RBBP4: variants seen among roughly 807,000 people sequenced by gnomAD.
The protein encoded by RBBP4 is histone-binding protein RBBP4.
In RBBP4, 3 loss-of-function variants were observed where a neutral mutation model predicts 57.2. That is an observed-to-expected ratio of 0.05 (90% confidence interval 0.02 to 0.14). RBBP4 has a LOEUF of 0.14. RBBP4 is among the 10% of genes least tolerant of loss of function. The pLI is 1.00. For missense variants in RBBP4, 107 were observed against 520.6 expected (o/e 0.21, Z 7.73); for synonymous variants, 151 against 171.5 (o/e 0.88, Z 0.93).
chr1:32,659,119 TTA>T (rs1000276909), intron 3 of RBBP4, among the ~76,000 whole-genome samples: 4 of 147,526 alleles, frequency 2.7e-5, no homozygotes, highest in African/African-American at 9.8e-5. Flanking sequence ...TATATATAAT[TTA>T]TATATACATA....
In RBBP4 at chr1:32,653,634, C is replaced by G. The variant is rs1266057924; in HGVS notation, c.164+1573C>G. On this transcript the variant is annotated intron_variant, in intron 2 of 11. Coordinates refer to ENST00000373493, the MANE Select transcript of RBBP4 (RefSeq NM_005610.3). ...AGCTGCTTTGTGTGTTTTTTGTTTT[C>G]TGGTTTTTTTTTTTTTTTTTTTTTT... 1.7e-4 allele frequency among the ~76,000 whole-genome samples: 7 copies of G among 42,350 alleles called. No homozygotes were observed. The Admixed American group carries it at 2.2e-3, about 13-fold the overall frequency. The allele number at this position is 42,350 out of a possible 152,430, so 27.8% of individuals were successfully genotyped here.
intron 2 of RBBP4, among the ~76,000 whole-genome samples, chr1:32,656,344 C>CA (rs1557851112): frequency 2.5e-5 from 1 of 39,932 alleles, no homozygotes; most frequent in African/African-American, 3.7e-5. Flanking sequence ...AGCCAGCCGC[C>CA]GGTTTTTTTT....
intron 8 of RBBP4, among the ~76,000 whole-genome samples, chr1:32,671,366 T>C (rs961913319): frequency 5.9e-5 from 9 of 152,132 alleles, no homozygotes; most frequent in Non-Finnish European, 8.8e-5. Flanking sequence ...GGGTGGATCA[T>C]GAGGTCAGGA....
At chr1:32,655,528 G>A (rs1260488113) in intron 2 of RBBP4, among the ~76,000 whole-genome samples, 1 of 152,070 alleles carries the variant, frequency 6.6e-6, no homozygotes, top group Middle Eastern at 3.2e-3. Flanking sequence ...TCAGTGTAAT[G>A]TAGAAGCTCT....
At position 32,684,811 on chromosome 1, in the gene RBBP4, A is replaced by T. The variant is rs1332696538; in HGVS notation, c.*5106A>T. 6.4e-6 allele frequency: 1 copy of T among 156,938 alleles called. No individual in the cohort carries two copies. The highest frequency in any genetic ancestry group is 2.4e-5 in the African/African-American group (1 of 41,494). The allele number at this position is 156,938 out of a possible 1,614,324, so 9.7% of individuals were successfully genotyped here. On this transcript the variant is annotated 3_prime_UTR_variant, in exon 12 of 12. Coordinates refer to ENST00000373493, the MANE Select transcript of RBBP4 (RefSeq NM_005610.3). The stretch of plus-strand genomic sequence containing the variant: ...GAAATACAAAAGTGTGGCAACAATT[A>T]TTAAATATTGGCTAGAATTCTAGGA...
At chr1:32,665,896 T>C (rs887578022) in intron 3 of RBBP4, among the ~76,000 whole-genome samples, 8 of 152,216 alleles carry the variant, frequency 5.3e-5, no homozygotes, top group East Asian at 1.9e-4. Context: ...CGTACCATGC[T>C]GCCTTCTATT....
At chr1:32,675,368 A>G (rs1238646304) in intron 11 of RBBP4, among the ~76,000 whole-genome samples, 2 of 152,144 alleles carry the variant, frequency 1.3e-5, no homozygotes, top group Non-Finnish European at 2.9e-5. Flanking sequence ...CAGAAATAAA[A>G]TAAGTTTGTG....
rs1649756346 is a variant in RBBP4 at position 32,685,436 on chromosome 1, T to C, written c.*5731T>C. ...AGGAAGGGGTGAAGTTGGTATCTTT[T>C]AAAGCGAGAGTGATTTTACCTCAGA... is the stretch of plus-strand genomic sequence containing the variant. On this transcript the variant is annotated 3_prime_UTR_variant, in exon 12 of 12. Coordinates refer to ENST00000373493, the MANE Select transcript of RBBP4 (RefSeq NM_005610.3). 1 of 152,194 alleles carries C rather than the reference T, an allele frequency of 6.6e-6. No individual in the cohort carries two copies. The highest frequency in any genetic ancestry group is 6.6e-5 in the Admixed American group (1 of 15,262). 9.4% of individuals were successfully genotyped at this position (152,194 alleles called of 1,614,324 possible).
chr1:32,656,850 T>C (rs541402846), intron 2 of RBBP4, among the ~76,000 whole-genome samples: 2 of 152,352 alleles, frequency 1.3e-5, no homozygotes, highest in African/African-American at 4.8e-5. Flanking sequence ...AATGAAAGTT[T>C]TAGTAAGCAA....
At chr1:32,666,574 C>G (rs1307643047) in intron 3 of RBBP4, among the ~76,000 whole-genome samples, 1 of 152,026 alleles carries the variant, frequency 6.6e-6, no homozygotes, top group Non-Finnish European at 1.5e-5. Context: ...TCAGGCTGGT[C>G]TCGAACTCCT....
rs763533073 is a variant in RBBP4, at chr1:32,679,717, CTTG to C, written c.*17_*19del. The stretch of plus-strand genomic sequence containing the variant: ...GACAAGGGTCCTAGATATGTCTTTA[CTTG>C]TTGTGATTTTAGACTCCCCTTTTTT... On this transcript the variant is annotated 3_prime_UTR_variant, in exon 12 of 12. Coordinates refer to ENST00000373493, the MANE Select transcript of RBBP4 (RefSeq NM_005610.3). 79 of 1,612,660 alleles carry C rather than the reference CTTG, an allele frequency of 4.9e-5. No homozygotes were observed. The highest frequency in any genetic ancestry group is 6.6e-5 in the Non-Finnish European group (78 of 1,179,350).
chr1:32,664,689 G>T (rs911562002), intron 3 of RBBP4, among the ~76,000 whole-genome samples: 1 of 152,048 alleles, frequency 6.6e-6, no homozygotes, highest in African/African-American at 2.4e-5. Context: ...CTGACCTTGT[G>T]ATCCACCCGT....
chr1:32,668,657 A>G, intron 4 of RBBP4, 82 bp from the exon 5 acceptor site: 6 of 1,152,968 alleles, frequency 5.2e-6, no homozygotes, highest in Non-Finnish European at 7.7e-6. Flanking sequence ...AGCTTTAGAC[A>G]TCTTGACCAA....
At position 32,668,409 on chromosome 1, in the gene RBBP4, T is replaced by C; in HGVS notation, c.484+11T>C. Reference sequence around the variant, plus strand: ...ATCCTTCTAAACCAGGTATGTGCCCTTTTCTATTCAAATACAAATGAGTCA... The same window carrying C: ...ATCCTTCTAAACCAGGTATGTGCCCCTTTCTATTCAAATACAAATGAGTCA... On this transcript the variant is annotated intron_variant, in intron 4 of 11. Coordinates refer to ENST00000373493, the MANE Select transcript of RBBP4 (RefSeq NM_005610.3). 2 of 1,565,092 alleles carry C rather than the reference T, an allele frequency of 1.3e-6. No homozygotes were observed. Among genetic ancestry groups the C allele is most frequent in the Non-Finnish European group, 1.8e-6 (2 of 1,140,502 alleles).
chr1:32,655,564 C>T (rs1385698540), intron 2 of RBBP4, among the ~76,000 whole-genome samples: 3 of 152,172 alleles, frequency 2.0e-5, no homozygotes, highest in Admixed American at 6.5e-5. Context: ...GACATCTGTG[C>T]AGAAGAATTC....
chr1:32,653,461 T>C (rs1647980435), intron 2 of RBBP4, among the ~76,000 whole-genome samples: 2 of 152,030 alleles, frequency 1.3e-5, no homozygotes, highest in Non-Finnish European at 2.9e-5. Context: ...ATGATGTAGC[T>C]CAACAAATGA....
chr1:32,657,963 C>T (rs1343749042), intron 3 of RBBP4, among the ~76,000 whole-genome samples: 1 of 152,148 alleles, frequency 6.6e-6, no homozygotes, highest in Non-Finnish European at 1.5e-5. Flanking sequence ...AGCGATTCTT[C>T]TGCCTCATCC....
At chr1:32,679,245 C>T (rs569820340) in intron 11 of RBBP4, among the ~76,000 whole-genome samples, 2 of 152,190 alleles carry the variant, frequency 1.3e-5, no homozygotes, top group African/African-American at 2.4e-5. Flanking sequence ...TGCAGTGAGC[C>T]GAGATGGTGC....
chr1:32,653,125 G>T (rs1267462702), intron 2 of RBBP4, among the ~76,000 whole-genome samples: 1 of 152,148 alleles, frequency 6.6e-6, no homozygotes, highest in East Asian at 1.9e-4. Context: ...CATTTATTGG[G>T]GCTGTATTTG....
Sources: gnomAD v4.1 joint callset for allele counts (sites outside exome capture counted in the v4.1 genomes callset) on GRCh38, gnomAD v4.1.1 for gene constraint, MANE v1.5 for transcripts, NCBI Gene and HGNC (gene_info 2026-07-23, HGNC 2026-07-21) for gene names.